The following VPS13A variants were observed in gnomAD, a reference collection of about 807,000 sequenced individuals.
The protein encoded by VPS13A is vacuolar protein sorting 13 homolog A, also known as intermembrane lipid transfer protein VPS13A.
In VPS13A, 264 loss-of-function variants were observed where a neutral mutation model predicts 390.9. That is an observed-to-expected ratio of 0.68 (90% confidence interval 0.61 to 0.75). VPS13A has a LOEUF of 0.75. Among genes scored for constraint, VPS13A ranks in the 30% least tolerant of loss-of-function variants. VPS13A has a pLI of 0.00. For synonymous variants in VPS13A, 1,231 were observed against 1,227.1 expected (o/e 1.00, Z -0.07); for missense variants, 3,409 against 3,733.9 (o/e 0.91, Z 2.27).
intron 21 of VPS13A, 135 bp from the exon 22 acceptor site, chr9:77,252,100 G>T: frequency 1.3e-6 from 1 of 744,708 alleles, no homozygotes; most frequent in Non-Finnish European, 2.4e-6. Flanking sequence ...ATGTACCTGA[G>T]AATGTGACAT....
At chr9:77,258,236 C>T (rs1825560034) in intron 22 of VPS13A, among the ~76,000 whole-genome samples, 1 of 152,150 alleles carries the variant, frequency 6.6e-6, no homozygotes, top group Non-Finnish European at 1.5e-5. Context: ...AGGCTTTTCT[C>T]ATCTAACATC....
chr9:77,243,636 TATTTC>T (rs771398926), intron 19 of VPS13A, among the ~76,000 whole-genome samples: 2 of 152,198 alleles, frequency 1.3e-5, no homozygotes, highest in Non-Finnish European at 2.9e-5. Context: ...TTCTTTCAGT[TATTTC>T]ATTTATTTAC....
At chr9:77,250,708 A>G (rs1825106436) in intron 21 of VPS13A, among the ~76,000 whole-genome samples, 1 of 152,228 alleles carries the variant, frequency 6.6e-6, no homozygotes, top group Non-Finnish European at 1.5e-5. Flanking sequence ...AGTCATGGAC[A>G]GCCATACAAA....
intron 62 of VPS13A, 22 bp downstream of exon 62, chr9:77,368,158 A>G (rs759843406): frequency 2.5e-6 from 4 of 1,585,698 alleles, no homozygotes; most frequent in Middle Eastern, 1.7e-4. Flanking sequence ...ATTATATTAC[A>G]GAGGGACAGA....
chr9:77,289,497 A>T (rs549136905), intron 31 of VPS13A, among the ~76,000 whole-genome samples: 1 of 152,268 alleles, frequency 6.6e-6, no homozygotes, highest in South Asian at 2.1e-4. Context: ...ATCATAGTCT[A>T]TCTTCCAATA....
chr9:77,236,974 C>G (rs1402401124), intron 17 of VPS13A, among the ~76,000 whole-genome samples: 1 of 152,096 alleles, frequency 6.6e-6, no homozygotes, highest in Non-Finnish European at 1.5e-5. Context: ...TCAGCTCACT[C>G]CACCTCCTGA....
chr9:77,343,395 C>T (rs1333965879), intron 50 of VPS13A, among the ~76,000 whole-genome samples: 1 of 152,196 alleles, frequency 6.6e-6, no homozygotes, highest in Non-Finnish European at 1.5e-5. Flanking sequence ...GTCCTCAAGT[C>T]ATGTGATGAT....
intron 68 of VPS13A, among the ~76,000 whole-genome samples, chr9:77,383,843 C>G (rs999148944): frequency 6.6e-6 from 1 of 151,540 alleles, no homozygotes; most frequent in Non-Finnish European, 1.5e-5. Context: ...TTTCAGCAAG[C>G]ATTTACACAG....
At position 77,366,723 on chromosome 9, in the gene VPS13A, T is replaced by C; in HGVS notation, c.8326-4T>C. On this transcript the variant is annotated splice_region_variant and splice_polypyrimidine_tract_variant and intron_variant, in intron 60 of 71. Transcript: ENST00000360280. ...TTTAAATATTTATCTCTTTATCTTT[T>C]TAGTTACATTTAAGTGTTTCACTGA... 6.2e-7 allele frequency: 1 copy of C among 1,607,674 alleles called. No homozygotes were observed. The highest frequency in any genetic ancestry group is 8.5e-7 in the Non-Finnish European group (1 of 1,175,884).
At chr9:77,284,104 A>T (rs1191196989) in intron 31 of VPS13A, among the ~76,000 whole-genome samples, 1 of 152,066 alleles carries the variant, frequency 6.6e-6, no homozygotes, top group Non-Finnish European at 1.5e-5. Flanking sequence ...TGTTGTAATA[A>T]TGATAAGAGA....
chr9:77,235,276 T>G (rs887742163), intron 17 of VPS13A, among the ~76,000 whole-genome samples: 1 of 152,188 alleles, frequency 6.6e-6, no homozygotes, highest in African/African-American at 2.4e-5. Context: ...TGGAAATGTG[T>G]TCATTTTTCC....
At chr9:77,329,630 C>T (rs1382298482) in intron 45 of VPS13A, among the ~76,000 whole-genome samples, 1 of 152,136 alleles carries the variant, frequency 6.6e-6, no homozygotes, top group African/African-American at 2.4e-5. Context: ...GTGAGAGTTA[C>T]CAAAATATGA....
chr9:77,295,968 T>A (rs555639405), intron 33 of VPS13A, 122 bp downstream of exon 33: 1 of 1,014,530 alleles, frequency 9.9e-7, no homozygotes, highest in Non-Finnish European at 1.4e-6. Context: ...CATAACTTAG[T>A]GATTCTCTCT....
chr9:77,202,514 A>G (rs1353769983), intron 3 of VPS13A, among the ~76,000 whole-genome samples: 6 of 152,172 alleles, frequency 3.9e-5, no homozygotes, highest in Admixed American at 3.9e-4. Context: ...AATCCAGTGA[A>G]TGCATATTTG....
intron 20 of VPS13A, among the ~76,000 whole-genome samples, chr9:77,247,892 G>A (rs58310426): frequency 0.2 from 30,785 of 151,962 alleles, 3,285 homozygotes; most frequent in Middle Eastern, 0.26. Context: ...TGCCTGTACT[G>A]AAGTGATCCA....
chr9:77,400,597 G>C lies in VPS13A; in HGVS notation c.9190-2639G>C, dbSNP rs530664612. On this transcript the variant is annotated intron_variant, in intron 68 of 71. Coordinates refer to ENST00000360280, the MANE Select transcript of VPS13A (RefSeq NM_033305.3). ...AATCCCAGCACTTTGGGAGGCAGAG[G>C]CGGGCAGATCAGGAGGTCAGGAGAT... Among the ~76,000 whole-genome samples the C allele has an allele frequency of 2.0e-5, 3 of 152,080 alleles. No homozygotes were observed. The South Asian group carries it at 6.2e-4, about 32-fold the overall frequency.
chr9:77,355,593 A>G (rs1227374099), intron 54 of VPS13A, among the ~76,000 whole-genome samples: 1 of 152,178 alleles, frequency 6.6e-6, no homozygotes, highest in Non-Finnish European at 1.5e-5. Context: ...TGTGCATGCA[A>G]AATCTCTATT....
Position 77,396,714 on chromosome 9 carries a change from T to C in VPS13A, c.9190-6522T>C, listed in dbSNP as rs542814795. On this transcript the variant is annotated intron_variant, in intron 68 of 71. Coordinates refer to ENST00000360280, the MANE Select transcript of VPS13A (RefSeq NM_033305.3). ...TAAAACTCTAAGGAAGTTATACTTA[T>C]TAAGTTTTCTCTAAAGATAAGATTG... Among the ~76,000 whole-genome samples, 6 of 152,336 alleles carry C rather than the reference T, an allele frequency of 3.9e-5. No individual in the cohort carries two copies. In the South Asian group the frequency reaches 8.3e-4, roughly 21 times the overall value.
intron 23 of VPS13A, among the ~76,000 whole-genome samples, chr9:77,268,106 G>T (rs1044027098): frequency 2.0e-5 from 3 of 152,246 alleles, no homozygotes; most frequent in African/African-American, 2.4e-5. Flanking sequence ...CTCCATGGGA[G>T]TGGGATCCGC....
Sources: allele counts gnomAD v4.1 joint callset (sites outside exome capture counted in the v4.1 genomes callset), GRCh38; gene constraint gnomAD v4.1.1; transcripts MANE v1.5; gene names NCBI Gene and HGNC (gene_info 2026-07-23, HGNC 2026-07-21).